Variants in SEPTIN7 observed in about 807,000 individuals in gnomAD.
SEPTIN7 encodes the protein septin 7.
A neutral mutation model predicts 63.3 loss-of-function variants in SEPTIN7; 10 were observed. That is an observed-to-expected ratio of 0.16 (90% CI 0.10 to 0.27). The LOEUF is 0.27. Ranked by LOEUF, SEPTIN7 falls within the 10% of genes least tolerant of loss-of-function variation. The pLI, the probability that SEPTIN7 is intolerant of heterozygous loss-of-function variation, is 1.00. For synonymous variants in SEPTIN7, 131 were observed against 165.3 expected, an observed-to-expected ratio of 0.79 and a Z score of 1.59; for missense variants, 310 against 521.0, an observed-to-expected ratio of 0.59 and a Z score of 3.94.
At chr7:35,910,862 A>G (rs1176007176), downstream of SEPTIN7, among the ~76,000 whole-genome samples, 1 of 152,236 alleles carries the variant, frequency 6.6e-6, no homozygotes, top group Admixed American at 6.5e-5. Flanking sequence ...TTTGGTGGAG[A>G]GACCCGATAA....
rs1472796927 is a variant in SEPTIN7 at position 35,837,323 on chromosome 7, T to G, written c.169+4423T>G. 5.3e-5 allele frequency among the ~76,000 whole-genome samples: 8 copies of G among 152,344 alleles called. No homozygotes were observed. The East Asian group carries it at 1.5e-3, about 29-fold the overall frequency. The stretch of plus-strand genomic sequence containing the variant: ...ATGTGTAGTTAAATTGTGATTATCT[T>G]GTGATATCGTACGTTCTTTCATAAC... On this transcript the variant is annotated intron_variant, in intron 3 of 13. Transcript: ENST00000350320.
chr7:35,868,273 T>C (rs1036952297), intron 4 of SEPTIN7, among the ~76,000 whole-genome samples: 1 of 152,214 alleles, frequency 6.6e-6, no homozygotes, highest in African/African-American at 2.4e-5. Flanking sequence ...GGTAACATAC[T>C]TGATAGACTC....
At chr7:35,861,248 C>T (rs1046143096) in intron 3 of SEPTIN7, among the ~76,000 whole-genome samples, 12 of 152,174 alleles carry the variant, frequency 7.9e-5, no homozygotes, top group Admixed American at 3.9e-4. Context: ...GTTCAGACAG[C>T]TGCTTTAAAG....
chr7:35,887,337 A>T (rs1404324243), intron 10 of SEPTIN7, among the ~76,000 whole-genome samples: 1 of 152,184 alleles, frequency 6.6e-6, no homozygotes, highest in African/African-American at 2.4e-5. Flanking sequence ...TAGAGGGGAA[A>T]GCTAGTTACT....
At chr7:35,870,933 C>A (rs1354109050) in intron 4 of SEPTIN7, among the ~76,000 whole-genome samples, 2 of 151,794 alleles carry the variant, frequency 1.3e-5, no homozygotes, top group Non-Finnish European at 2.9e-5. Flanking sequence ...ATTAGGGTAA[C>A]CTGATAATAG....
At chr7:35,883,413 A>G (rs1787020717) in intron 8 of SEPTIN7, among the ~76,000 whole-genome samples, 1 of 152,310 alleles carries the variant, frequency 6.6e-6, no homozygotes, top group East Asian at 1.9e-4. Flanking sequence ...AGGGCTGAAC[A>G]TGGATGAACA....
chr7:35,829,128 CTTTTTTTTTTTTTT>C (rs71553032), intron 1 of SEPTIN7, among the ~76,000 whole-genome samples: 11 of 61,062 alleles, frequency 1.8e-4, no homozygotes, highest in African/African-American at 4.2e-4. Flanking sequence ...CATGGACCTT[CTTTTTTTTTTTTTT>C]TTTTTTTTTT....
intron 1 of SEPTIN7, among the ~76,000 whole-genome samples, chr7:35,828,060 T>C (rs1380299667): frequency 2.0e-5 from 3 of 152,266 alleles, no homozygotes; most frequent in Admixed American, 1.3e-4. Context: ...AAATCAGTCA[T>C]ATGGGGGAAC....
intron 3 of SEPTIN7, among the ~76,000 whole-genome samples, chr7:35,862,968 A>G (rs1479712100): frequency 6.6e-6 from 1 of 152,088 alleles, no homozygotes; most frequent in African/African-American, 2.4e-5. Context: ...TCCTACCTCG[A>G]GTAGAAGCAA....
chr7:35,821,530 C>A (rs574483476), intron 1 of SEPTIN7, among the ~76,000 whole-genome samples: 2 of 152,204 alleles, frequency 1.3e-5, no homozygotes, highest in East Asian at 3.9e-4. Context: ...AAAATTGTTA[C>A]AATTTTTTAC....
At chr7:35,880,724 G>GT (rs779185839) in intron 7 of SEPTIN7, among the ~76,000 whole-genome samples, 7 of 151,934 alleles carry the variant, frequency 4.6e-5, no homozygotes, top group East Asian at 3.9e-4. Context: ...GATATTTATA[G>GT]TTTAAGTTAT....
Position 35,841,702 on chromosome 7 carries a change from T to G in SEPTIN7, c.169+8802T>G, listed in dbSNP as rs1405083668. Among the ~76,000 whole-genome samples the G allele has an allele frequency of 2.0e-5, 3 of 152,214 alleles. No individual in the cohort carries two copies. In the East Asian group the frequency reaches 5.8e-4, roughly 29 times the overall value. ...GAAGGCCGCATAGTCTGTCAGTATTTTAAAAGAACTCAGTACTGAACGGAA... is the reference window on the plus strand; with the variant it reads ...GAAGGCCGCATAGTCTGTCAGTATTGTAAAAGAACTCAGTACTGAACGGAA... On this transcript the variant is annotated intron_variant, in intron 3 of 13. Transcript: ENST00000350320.
chr7:35,838,292 CCTTCCTT>C (rs1784194789), intron 3 of SEPTIN7, among the ~76,000 whole-genome samples: 1 of 13,708 alleles, frequency 7.3e-5, no homozygotes, highest in Admixed American at 6.0e-4. Flanking sequence ...TTCCTTCCTT[CCTTCCTT>C]CCTTCCCTCC....
chr7:35,803,537 A>T (rs780290576), intron 1 of SEPTIN7, among the ~76,000 whole-genome samples: 3 of 152,356 alleles, frequency 2.0e-5, no homozygotes, highest in Middle Eastern at 3.4e-3. Flanking sequence ...ATTTGATGAT[A>T]TACATATTCA....
intron 1 of SEPTIN7, among the ~76,000 whole-genome samples, chr7:35,816,122 T>C (rs1171228314): frequency 6.6e-6 from 1 of 152,100 alleles, no homozygotes; most frequent in African/African-American, 2.4e-5. Flanking sequence ...CTTGAAAGCG[T>C]GATTTTGTGG....
rs1787579188 is a variant in SEPTIN7, at chr7:35,890,651, CTGTT to C, written c.873-11_873-8del. On this transcript the variant is annotated splice_polypyrimidine_tract_variant and intron_variant, in intron 10 of 13. Transcript: ENST00000350320. ...AGCTATTAATAGAAGCAAACTCTTG[CTGTT>C]TGTTTATGACAGAACACACATGCAG... The C allele has an allele frequency of 6.9e-7, 1 of 1,449,044 alleles. No homozygotes were observed. The highest frequency in any genetic ancestry group is 1.6e-5 in the South Asian group (1 of 62,876). 89.8% of individuals were successfully genotyped at this position (1,449,044 alleles called of 1,614,324 possible). A position where few individuals can be genotyped will look rare whatever the true frequency, so the allele number is the denominator to read the frequency against.
At chr7:35,881,256 A>G (rs1280209102) in intron 7 of SEPTIN7, among the ~76,000 whole-genome samples, 1 of 151,758 alleles carries the variant, frequency 6.6e-6, no homozygotes, top group African/African-American at 2.4e-5. Context: ...TGCTATTTCT[A>G]AGTTTCAAAC....
chr7:35,824,721 T>C (rs1416295849), intron 1 of SEPTIN7, among the ~76,000 whole-genome samples: 1 of 152,198 alleles, frequency 6.6e-6, no homozygotes, highest in Non-Finnish European at 1.5e-5. Flanking sequence ...CCTAGCATTG[T>C]CCAATAGCAA....
downstream of SEPTIN7, among the ~76,000 whole-genome samples, chr7:35,908,071 C>G (rs1257096038): frequency 1.3e-5 from 2 of 152,142 alleles, no homozygotes; most frequent in Non-Finnish European, 2.9e-5. Context: ...TTTGGAGTTA[C>G]TTCCATGGAA....
Sources: allele counts gnomAD v4.1 joint callset (sites outside exome capture counted in the v4.1 genomes callset), GRCh38; gene constraint gnomAD v4.1.1; transcripts MANE v1.5; gene names NCBI Gene and HGNC (gene_info 2026-07-23, HGNC 2026-07-21).